Variants in NAV3 observed in about 807,000 individuals in gnomAD.
NAV3 encodes the protein neuron navigator 3.
In NAV3, 87 loss-of-function variants were observed where a neutral mutation model predicts 244.7. The ratio of observed to expected loss-of-function variants is 0.36; its 90% confidence interval spans 0.30 to 0.42. NAV3 has a LOEUF of 0.42. NAV3 is among the 20% of genes least tolerant of loss of function. NAV3 has a pLI of 1.00. For missense variants in NAV3, 2,663 were observed against 2,893.3 expected (o/e 0.92, Z 1.83); for synonymous variants, 1,126 against 1,042.2 (o/e 1.08, Z -1.55).
At chr12:78,117,377 T>TTG (rs1955463915) in intron 13 of NAV3, among the ~76,000 whole-genome samples, 1 of 144,582 alleles carries the variant, frequency 6.9e-6, no homozygotes, top group African/African-American at 2.5e-5. Flanking sequence ...GATATATATT[T>TTG]TATATATTAT....
At chr12:77,784,402 A>G (rs757502688) in intron 2 of NAV3, among the ~76,000 whole-genome samples, 11 of 152,216 alleles carry the variant, frequency 7.2e-5, no homozygotes, top group Non-Finnish European at 1.3e-4. Context: ...TCAATGAGGA[A>G]GGGAGAATCT....
At chr12:78,023,320 T>C (rs1381134819) in intron 9 of NAV3, among the ~76,000 whole-genome samples, 1 of 152,210 alleles carries the variant, frequency 6.6e-6, no homozygotes, top group Non-Finnish European at 1.5e-5. Context: ...CCTTATTGTC[T>C]ACCCTTTGAT....
chr12:78,035,829 G>A (rs1368914784), intron 9 of NAV3, among the ~76,000 whole-genome samples: 1 of 152,136 alleles, frequency 6.6e-6, no homozygotes, highest in Non-Finnish European at 1.5e-5. Flanking sequence ...TAAAAGATTA[G>A]GGAAGTCTTT....
intron 23 of NAV3, among the ~76,000 whole-genome samples, chr12:78,166,252 A>G (rs1349610966): frequency 6.6e-6 from 1 of 151,876 alleles, no homozygotes; most frequent in Admixed American, 6.6e-5. Flanking sequence ...AAATAAAGGG[A>G]AAAATTATAT....
At chr12:78,102,111 G>A (rs1430631547) in intron 12 of NAV3, among the ~76,000 whole-genome samples, 1 of 152,028 alleles carries the variant, frequency 6.6e-6, no homozygotes, top group Non-Finnish European at 1.5e-5. Flanking sequence ...AATATCTAAG[G>A]TTAGTCCATA....
chr12:77,690,874 A>G (rs1319897705), intron 2 of NAV3, among the ~76,000 whole-genome samples: 2 of 87,852 alleles, frequency 2.3e-5, no homozygotes, highest in African/African-American at 4.2e-5. Context: ...CAGTGTTAAC[A>G]ATTTTCTAAG....
At chr12:77,903,756 G>A (rs1178149953) in intron 1 of NAV3, among the ~76,000 whole-genome samples, 4 of 152,094 alleles carry the variant, frequency 2.6e-5, no homozygotes, top group South Asian at 2.1e-4. Flanking sequence ...CTGACAAAGG[G>A]CTAATATCTA....
rs199837835 is a variant in NAV3 at position 78,122,168 on chromosome 12, T to G, written c.3978T>G (p.Ser1326Arg). ...SDLTTDVISL[S>R]HSLASSPASV... ...TAACTACAGATGTTATAAGCTTAAG[T>G]CACTCGTTGGCCTCCAGCCCAGCAT... Residue 1326 changes from serine to arginine, a missense_variant, in exon 16 of 40, where the codon AGT (serine) becomes AGG (arginine). By Grantham distance (110) the Ser-to-Arg change is moderately radical. Transcript: ENST00000397909. The G allele has an allele frequency of 1.2e-6, 2 of 1,613,958 alleles. No homozygotes were observed. The highest frequency in any genetic ancestry group is 1.7e-6 in the Non-Finnish European group (2 of 1,180,022).
At chr12:77,617,290 A>G (rs924426766) in intron 2 of NAV3, among the ~76,000 whole-genome samples, 1 of 152,174 alleles carries the variant, frequency 6.6e-6, no homozygotes, top group African/African-American at 2.4e-5. Flanking sequence ...TGCCTTTGAC[A>G]TGCCTTCCTA....
chr12:78,175,483 C>A (rs553981585), intron 25 of NAV3, 56 bp downstream of exon 25: 1 of 1,581,414 alleles, frequency 6.3e-7, no homozygotes, highest in South Asian at 1.1e-5. Flanking sequence ...ATGTGTTAGG[C>A]CTTTTTCTTT....
intron 2 of NAV3, among the ~76,000 whole-genome samples, chr12:77,651,098 C>A (rs1481979508): frequency 1.3e-5 from 2 of 152,010 alleles, no homozygotes; most frequent in Non-Finnish European, 2.9e-5. Flanking sequence ...GATACATCAT[C>A]ATGAAAAATG....
chr12:77,910,522 A>T (rs1348781583), intron 1 of NAV3, among the ~76,000 whole-genome samples: 1 of 152,090 alleles, frequency 6.6e-6, no homozygotes, highest in African/African-American at 2.4e-5. Context: ...CTTATATTTA[A>T]TAGATTGCTG....
chr12:77,575,074 TA>T (rs200381980), intron 2 of NAV3, among the ~76,000 whole-genome samples: 1,992 of 149,152 alleles, frequency 0.013, 43 homozygotes, highest in African/African-American at 0.045. Flanking sequence ...AATATGTATT[TA>T]AAATATATAT....
intron 2 of NAV3, among the ~76,000 whole-genome samples, chr12:77,633,443 T>C (rs966900199): frequency 6.6e-6 from 1 of 152,114 alleles, no homozygotes; most frequent in African/African-American, 2.4e-5. Context: ...ATTAAATGAA[T>C]AGCTAAAACG....
At chr12:78,069,997 C>A (rs1952676038) in intron 12 of NAV3, among the ~76,000 whole-genome samples, 1 of 151,708 alleles carries the variant, frequency 6.6e-6, no homozygotes, top group African/African-American at 2.4e-5. Flanking sequence ...ATGATAAAAC[C>A]TTTTTACTGA....
At chr12:78,191,329 C>A (rs1181752425) in intron 34 of NAV3, among the ~76,000 whole-genome samples, 2 of 151,964 alleles carry the variant, frequency 1.3e-5, no homozygotes, top group Non-Finnish European at 2.9e-5. Flanking sequence ...GAGAGAACAG[C>A]GCAAGTAGCA....
intron 11 of NAV3, among the ~76,000 whole-genome samples, chr12:78,053,364 A>C (rs1883044268): frequency 6.6e-6 from 1 of 152,014 alleles, no homozygotes; most frequent in Non-Finnish European, 1.5e-5. Flanking sequence ...TGAATCCTGA[A>C]CTATTGCCCC....
At chr12:77,808,152 C>T (rs1027307359) in intron 2 of NAV3, among the ~76,000 whole-genome samples, 1 of 152,096 alleles carries the variant, frequency 6.6e-6, no homozygotes, top group Non-Finnish European at 1.5e-5. Context: ...TTTGTTATTA[C>T]CCACCTTCTG....
chr12:77,826,992 C>A (rs1029156566), upstream of NAV3, among the ~76,000 whole-genome samples: 9 of 152,098 alleles, frequency 5.9e-5, no homozygotes, highest in African/African-American at 2.2e-4. Flanking sequence ...GAGGCCAAGG[C>A]GGGCAGATCA....
Sources: gnomAD v4.1 joint callset for allele counts (sites outside exome capture counted in the v4.1 genomes callset) on GRCh38, gnomAD v4.1.1 for gene constraint, MANE v1.5 for transcripts, NCBI Gene and HGNC (gene_info 2026-07-23, HGNC 2026-07-21) for gene names.